RAD51B: variants seen among roughly 807,000 people sequenced by gnomAD.
RAD51B encodes the protein RAD51 paralog B.
In RAD51B, 38 loss-of-function variants were observed where a neutral mutation model predicts 42.2. The ratio of observed to expected loss-of-function variants is 0.90; its 90% CI spans 0.70 to 1.18. The LOEUF (loss-of-function observed/expected upper bound fraction) is 1.18. Ranked by LOEUF, RAD51B falls within the 50% of genes most tolerant of loss-of-function variation. The probability of loss-of-function intolerance (pLI) is 0.00; values close to 1 mark genes in which losing one functional copy is unlikely to be tolerated. For missense variants in RAD51B, 373 were observed against 400.7 expected (o/e 0.93, Z 0.59); for synonymous variants, 154 against 145.2 (o/e 1.06, Z -0.43).
chr14:68,175,422 T>C (rs758127054), intron 7 of RAD51B, among the ~76,000 whole-genome samples: 2 of 152,214 alleles, frequency 1.3e-5, no homozygotes, highest in Non-Finnish European at 2.9e-5. Flanking sequence ...CACTTGTCCA[T>C]GGTTCTCCCA....
At chr14:68,184,639 G>GGAA (rs1279799753) in intron 7 of RAD51B, among the ~76,000 whole-genome samples, 3 of 120,960 alleles carry the variant, frequency 2.5e-5, no homozygotes, top group Admixed American at 8.4e-5. Flanking sequence ...AAAAAAAACA[G>GGAA]GAAGAAGAAG....
intron 7 of RAD51B, among the ~76,000 whole-genome samples, chr14:68,144,524 T>C (rs932183052): frequency 1.3e-5 from 2 of 152,260 alleles, no homozygotes; most frequent in Admixed American, 6.5e-5. Flanking sequence ...ACAGTCATTG[T>C]CTTTTGTAGT....
intron 7 of RAD51B, among the ~76,000 whole-genome samples, chr14:67,992,421 G>A (rs536075497): frequency 1.1e-3 from 163 of 152,318 alleles, no homozygotes; most frequent in Non-Finnish European, 1.8e-3. Context: ...TGGGAGTTAA[G>A]TAGTGAATTT....
At position 68,595,697 on chromosome 14, in the gene RAD51B, A is replaced by G. The variant is rs944526463; in HGVS notation, c.*1094A>G. 1.4e-5 allele frequency: 12 copies of G among 880,740 alleles called. No individual in the cohort carries two copies. The African/African-American group carries it at 1.7e-4, about 13-fold the overall frequency. 54.6% of individuals were successfully genotyped at this position (880,740 alleles called of 1,614,324 possible). ...CGACCATATGGTATTGGTTAAATTA[A>G]CATCTATACGATGGAATACTAGATG... On this transcript the variant is annotated 3_prime_UTR_variant, in exon 11 of 11. Transcript: ENST00000487270.
chr14:67,879,922 G>C (rs944296231), intron 5 of RAD51B, among the ~76,000 whole-genome samples: 2 of 152,154 alleles, frequency 1.3e-5, no homozygotes, highest in African/African-American at 2.4e-5. Flanking sequence ...TTGTGATATA[G>C]AATCTGAAAC....
chr14:68,345,663 T>C (rs371552500), intron 8 of RAD51B, among the ~76,000 whole-genome samples: 59 of 151,634 alleles, frequency 3.9e-4, no homozygotes, highest in Middle Eastern at 6.8e-3. Context: ...TTCTTTCTTT[T>C]TTTTTTTTTT....
chr14:68,110,661 A>G lies in RAD51B; in HGVS notation c.757-181223A>G, dbSNP rs189961481. On this transcript the variant is annotated intron_variant, in intron 7 of 10. Transcript: ENST00000471583. ...AACTTTTTTGTATAAGCATTTATCTATAAGTTAATACATGTGAAGCACTTA... is the reference window on the plus strand; with the variant it reads ...AACTTTTTTGTATAAGCATTTATCTGTAAGTTAATACATGTGAAGCACTTA... Among the ~76,000 whole-genome samples, 54 of 152,232 alleles carry G rather than the reference A, an allele frequency of 3.5e-4. 1 individual carries two copies. The highest frequency in any genetic ancestry group is 5.0e-4 in the Non-Finnish European group (34 of 67,990).
intron 7 of RAD51B, among the ~76,000 whole-genome samples, chr14:68,002,334 C>T (rs751274471): frequency 6.6e-6 from 1 of 152,094 alleles, no homozygotes; most frequent in African/African-American, 2.4e-5. Context: ...GCATGTATAT[C>T]TTCTTTTGAG....
At chr14:67,938,364 A>C (rs1298288593) in intron 7 of RAD51B, among the ~76,000 whole-genome samples, 1 of 152,234 alleles carries the variant, frequency 6.6e-6, no homozygotes, top group African/African-American at 2.4e-5. Flanking sequence ...ATGAGTCAGG[A>C]AAGTTTTCTA....
intron 5 of RAD51B, among the ~76,000 whole-genome samples, chr14:67,870,888 C>A (rs1362617977): frequency 7.7e-6 from 1 of 130,312 alleles, no homozygotes; most frequent in South Asian, 2.3e-4. Flanking sequence ...TTGAAACCAA[C>A]GAGAACAAAG....
intron 7 of RAD51B, among the ~76,000 whole-genome samples, chr14:67,987,836 A>G (rs1170048637): frequency 6.6e-6 from 1 of 152,234 alleles, no homozygotes; most frequent in Non-Finnish European, 1.5e-5. Context: ...GTTCCTGTGG[A>G]TAACTTGGCA....
intron 7 of RAD51B, among the ~76,000 whole-genome samples, chr14:68,117,442 C>T (rs1336803547): frequency 1.3e-5 from 2 of 152,064 alleles, no homozygotes; most frequent in South Asian, 4.1e-4. Flanking sequence ...AAGATATGAC[C>T]GTGGAGAGCT....
At chr14:68,039,819 G>A (rs566576440) in intron 7 of RAD51B, among the ~76,000 whole-genome samples, 2 of 152,274 alleles carry the variant, frequency 1.3e-5, no homozygotes, top group Admixed American at 6.5e-5. Flanking sequence ...TGCTGTTAAA[G>A]GTATGACAAA....
At chr14:67,838,452 A>T (rs902714377) in intron 4 of RAD51B, among the ~76,000 whole-genome samples, 3 of 151,132 alleles carry the variant, frequency 2.0e-5, no homozygotes, top group Non-Finnish European at 4.4e-5. Context: ...ATTTTAAATT[A>T]AAAAAAAAGA....
chr14:67,974,976 T>G (rs549183216), intron 7 of RAD51B, among the ~76,000 whole-genome samples: 2 of 152,170 alleles, frequency 1.3e-5, no homozygotes, highest in African/African-American at 4.8e-5. Flanking sequence ...GTAGTGTGCT[T>G]TTTTTGGTTT....
In RAD51B at chr14:68,477,723, C is replaced by T. The variant is rs1882814675; in HGVS notation, c.*59C>T. 1 of 1,596,456 alleles carries T rather than the reference C, an allele frequency of 6.3e-7. No individual in the cohort carries two copies. Among genetic ancestry groups the T allele is most frequent in the African/African-American group, 1.4e-5 (1 of 72,996 alleles). On this transcript the variant is annotated 3_prime_UTR_variant, in exon 11 of 11. Coordinates refer to ENST00000471583, the MANE Select transcript of RAD51B (RefSeq NM_133510.4). ...GTGTGATTTGTGAAATAAAACAGGA[C>T]CGTACTGCTTGGAAGAAGGAAACGG...
intron 7 of RAD51B, among the ~76,000 whole-genome samples, chr14:68,090,717 A>T (rs532074186): frequency 8.6e-5 from 13 of 150,326 alleles, no homozygotes; most frequent in African/African-American, 2.7e-4. Flanking sequence ...TATTATTATT[A>T]TACTTTAAGT....
intron 9 of RAD51B, among the ~76,000 whole-genome samples, chr14:68,428,093 A>G (rs1299972558): frequency 1.3e-5 from 2 of 152,218 alleles, no homozygotes; most frequent in African/African-American, 4.8e-5. Flanking sequence ...GGCCATGGCA[A>G]GATGATGTCC....
intron 7 of RAD51B, among the ~76,000 whole-genome samples, chr14:67,922,321 CT>C (rs1370523825): frequency 6.6e-6 from 1 of 152,146 alleles, no homozygotes; most frequent in Non-Finnish European, 1.5e-5. Flanking sequence ...TTTATTGCCT[CT>C]TGCTGTCAGC....
Sources: allele counts gnomAD v4.1 joint callset (sites outside exome capture counted in the v4.1 genomes callset), GRCh38; gene constraint gnomAD v4.1.1; transcripts MANE v1.5; gene names NCBI Gene and HGNC (gene_info 2026-07-23, HGNC 2026-07-21).